KAZN: variants seen among roughly 807,000 people sequenced by gnomAD.
The protein encoded by KAZN is kazrin.
In KAZN, 40 loss-of-function variants were observed where a neutral mutation model predicts 87.4. The observed-to-expected ratio is 0.46, with a 90% CI of 0.36 to 0.60. The LOEUF (loss-of-function observed/expected upper bound fraction) is 0.60, where lower values mean the gene tolerates loss of function less well. KAZN is among the 20% of genes least tolerant of loss of function. KAZN has a pLI of 0.00. For synonymous variants in KAZN, 466 were observed against 458.3 expected (o/e 1.02, Z -0.22); for missense variants, 898 against 1,073.9 (o/e 0.84, Z 2.29).
intron 1 of KAZN, among the ~76,000 whole-genome samples, chr1:14,959,756 C>G (rs1663617167): frequency 6.6e-6 from 1 of 152,224 alleles, no homozygotes; most frequent in South Asian, 2.1e-4. Flanking sequence ...CACCCCTTAG[C>G]AGTTCTGTTT....
At chr1:14,636,810 AT>A (rs1302922741) in intron 1 of KAZN, among the ~76,000 whole-genome samples, 1 of 152,168 alleles carries the variant, frequency 6.6e-6, no homozygotes, top group Non-Finnish European at 1.5e-5. Flanking sequence ...AATGAAGCTA[AT>A]TTGTGAGATA....
chr1:14,091,109 C>CAAAAAAAAAAAAAAAA (rs779056126), intron 1 of KAZN, among the ~76,000 whole-genome samples: 1 of 51,906 alleles, frequency 1.9e-5, no homozygotes, highest in African/African-American at 6.7e-5. Context: ...GAGACTCTGT[C>CAAAAAAAAAAAAAAAA]AAAAAAAAAA....
At chr1:14,525,150 G>T (rs1482245776) in intron 2 of KAZN, among the ~76,000 whole-genome samples, 2 of 152,206 alleles carry the variant, frequency 1.3e-5, no homozygotes, top group Non-Finnish European at 2.9e-5. Flanking sequence ...GTTTGAATAT[G>T]TGCATGCATG....
chr1:14,026,213 G>T (rs886883291), intron 1 of KAZN, among the ~76,000 whole-genome samples: 1 of 152,068 alleles, frequency 6.6e-6, no homozygotes, highest in Non-Finnish European at 1.5e-5. Context: ...TCCTCCCAAT[G>T]AGAGCTCAGG....
chr1:14,145,772 G>C (rs1420067217), intron 1 of KAZN, among the ~76,000 whole-genome samples: 1 of 152,040 alleles, frequency 6.6e-6, no homozygotes, highest in Non-Finnish European at 1.5e-5. Flanking sequence ...GTAGAGACAG[G>C]GTTTCGCCAT....
intron 2 of KAZN, among the ~76,000 whole-genome samples, chr1:14,544,738 T>TAAA (rs58351260): frequency 3.2e-4 from 44 of 137,814 alleles, no homozygotes; most frequent in African/African-American, 1.1e-3. Flanking sequence ...CTTCTTTATT[T>TAAA]AAAAAAAAAA....
At chr1:13,898,555 C>T (rs1198516850) in intron 1 of KAZN, among the ~76,000 whole-genome samples, 1 of 152,220 alleles carries the variant, frequency 6.6e-6, no homozygotes, top group Admixed American at 6.5e-5. Flanking sequence ...TGCATGAATC[C>T]AGGCCCAGCT....
chr1:13,999,694 A>C (rs1216085699), intron 1 of KAZN, among the ~76,000 whole-genome samples: 1 of 152,188 alleles, frequency 6.6e-6, no homozygotes, highest in African/African-American at 2.4e-5. Flanking sequence ...ACAAGAAATA[A>C]CTAAAATCAG....
intron 2 of KAZN, among the ~76,000 whole-genome samples, chr1:14,221,226 A>G (rs1161598312): frequency 6.6e-6 from 1 of 152,024 alleles, no homozygotes; most frequent in African/African-American, 2.4e-5. Context: ...TATGTTTTAG[A>G]CTCAGTGCTT....
At chr1:14,109,817 T>TC (rs1186061578) in intron 1 of KAZN, among the ~76,000 whole-genome samples, 30 of 150,272 alleles carry the variant, frequency 2.0e-4, no homozygotes, top group South Asian at 4.2e-4. Flanking sequence ...TCAAAACGAT[T>TC]TCAGCGTCAA....
chr1:13,992,261 A>G (rs1013036734), intron 1 of KAZN, among the ~76,000 whole-genome samples: 34 of 152,096 alleles, frequency 2.2e-4, no homozygotes, highest in African/African-American at 7.7e-4. Flanking sequence ...GTAGTAGAAG[A>G]TCCATAAATG....
chr1:14,473,593 C>G (rs1401874346), intron 2 of KAZN, among the ~76,000 whole-genome samples: 5 of 150,218 alleles, frequency 3.3e-5, no homozygotes, highest in Non-Finnish European at 7.4e-5. Flanking sequence ...GCCACAAGAT[C>G]GCGCCACTGC....
intron 8 of KAZN, among the ~76,000 whole-genome samples, chr1:15,075,499 G>T (rs773606093): frequency 6.6e-6 from 1 of 152,152 alleles, no homozygotes; most frequent in Non-Finnish European, 1.5e-5. Flanking sequence ...AAACTATTGG[G>T]ACAGATGACT....
rs575894591 is a variant in KAZN, at chr1:14,884,137, T to C, written c.227-76547T>C. 1.6e-4 allele frequency among the ~76,000 whole-genome samples: 25 copies of C among 152,256 alleles called. No individual in the cohort carries two copies. In the East Asian group the frequency reaches 4.2e-3, roughly 26 times the overall value. On this transcript the variant is annotated intron_variant, in intron 1 of 14. Coordinates refer to ENST00000376030, the MANE Select transcript of KAZN (RefSeq NM_201628.3). ...GGCCGGGCGCGGGGGCTCACACCTG[T>C]AATCCCAGCACTTTGGGAGGCCGAG...
At chr1:13,942,886 C>G (rs1427045870) in intron 1 of KAZN, among the ~76,000 whole-genome samples, 2 of 152,048 alleles carry the variant, frequency 1.3e-5, no homozygotes, top group African/African-American at 4.8e-5. Flanking sequence ...AGATTAGACA[C>G]AACAGCAAAG....
intron 2 of KAZN, among the ~76,000 whole-genome samples, chr1:14,455,062 A>ATT (rs763444622): frequency 7.2e-6 from 1 of 138,032 alleles, no homozygotes; most frequent in Non-Finnish European, 1.5e-5. Flanking sequence ...CCCCAGAGAA[A>ATT]GAGATCCAAG....
At chr1:14,815,531 T>C (rs1646537264) in intron 1 of KAZN, among the ~76,000 whole-genome samples, 2 of 152,202 alleles carry the variant, frequency 1.3e-5, no homozygotes, top group Non-Finnish European at 2.9e-5. Flanking sequence ...AAGTTCAGTG[T>C]TGATTATGAC....
chr1:14,312,418 T>C (rs1352852815), intron 2 of KAZN, among the ~76,000 whole-genome samples: 1 of 152,132 alleles, frequency 6.6e-6, no homozygotes, highest in African/African-American at 2.4e-5. Context: ...ACAACCATTC[T>C]AGGAAATAGG....
intron 1 of KAZN, among the ~76,000 whole-genome samples, chr1:13,983,698 T>C (rs1439287061): frequency 1.3e-5 from 2 of 152,246 alleles, no homozygotes; most frequent in African/African-American, 4.8e-5. Flanking sequence ...GCGAGGGCTG[T>C]GAGGACCGCC....
Sources: allele counts gnomAD v4.1 joint callset (sites outside exome capture counted in the v4.1 genomes callset), GRCh38; gene constraint gnomAD v4.1.1; transcripts MANE v1.5; gene names NCBI Gene and HGNC (gene_info 2026-07-23, HGNC 2026-07-21).